Variants in FAM171A1 observed in about 807,000 individuals in gnomAD.
FAM171A1 encodes family with sequence similarity 171 member A1, also known as protein FAM171A1.
FAM171A1 carries 23 observed loss-of-function variants against 74.9 expected under a neutral mutation model. The ratio of observed to expected loss-of-function variants is 0.31; its 90% confidence interval spans 0.22 to 0.44. FAM171A1 has a LOEUF of 0.44. Ranked by LOEUF, FAM171A1 falls within the 20% of genes least tolerant of loss-of-function variation. The pLI is 1.00. For synonymous variants in FAM171A1, 527 were observed against 505.7 expected, an observed-to-expected ratio of 1.04 and a Z score of -0.57; for missense variants, 1,162 against 1,159.2, an observed-to-expected ratio of 1.00 and a Z score of -0.03.
At chr10:15,372,960 A>T (rs1836167730), upstream of FAM171A1, among the ~76,000 whole-genome samples, 1 of 152,100 alleles carries the variant, frequency 6.6e-6, no homozygotes, top group African/African-American at 2.4e-5. Flanking sequence ...CTCCAGACCC[A>T]TCATCCACCC....
At chr10:15,243,851 C>G (rs561918836) in intron 5 of FAM171A1, among the ~76,000 whole-genome samples, 5 of 152,076 alleles carry the variant, frequency 3.3e-5, no homozygotes, top group African/African-American at 9.7e-5. Context: ...GGTTTACTTA[C>G]GCCATTCTCC....
At chr10:15,236,281 C>T (rs1309019143) in intron 5 of FAM171A1, among the ~76,000 whole-genome samples, 1 of 83,998 alleles carries the variant, frequency 1.2e-5, no homozygotes, top group African/African-American at 4.5e-5. Flanking sequence ...TTATATCATG[C>T]TTCCAAAAAA....
chr10:15,291,127 G>A (rs1835097390), intron 1 of FAM171A1, among the ~76,000 whole-genome samples: 1 of 152,174 alleles, frequency 6.6e-6, no homozygotes, highest in African/African-American at 2.4e-5. Context: ...TGGGATTATA[G>A]GCATGAGCCA....
chr10:15,353,725 G>A (rs1835903205), intron 1 of FAM171A1, among the ~76,000 whole-genome samples: 1 of 152,180 alleles, frequency 6.6e-6, no homozygotes, highest in African/African-American at 2.4e-5. Flanking sequence ...GACAGCAGGG[G>A]AAGAGTACCA....
intron 3 of FAM171A1, among the ~76,000 whole-genome samples, chr10:15,260,109 G>A (rs1416034737): frequency 6.6e-6 from 1 of 152,074 alleles, no homozygotes; most frequent in Non-Finnish European, 1.5e-5. Flanking sequence ...TTACAGGTGT[G>A]AACCACCACG....
Position 15,212,877 on chromosome 10 carries a change from C to A in FAM171A1, c.*38G>T. 1 of 1,603,262 alleles carries A rather than the reference C, an allele frequency of 6.2e-7. No homozygotes were observed. The highest frequency in any genetic ancestry group is 8.5e-7 in the Non-Finnish European group (1 of 1,176,984). On this transcript the variant is annotated 3_prime_UTR_variant, in exon 8 of 8. Transcript: ENST00000378116. ...CGCTTCCATGAGAAAGGATATTTGG[C>A]AATTTTATATTCCACAGTCAGGTGG...
chr10:15,219,463 T>C (rs1834008670), intron 6 of FAM171A1, among the ~76,000 whole-genome samples: 1 of 151,384 alleles, frequency 6.6e-6, no homozygotes, highest in African/African-American at 2.4e-5. Context: ...ATTCTTTTCC[T>C]TCCTTTGTTT....
intron 3 of FAM171A1, among the ~76,000 whole-genome samples, chr10:15,267,948 G>C (rs1378558345): frequency 4.6e-5 from 7 of 152,220 alleles, no homozygotes; most frequent in African/African-American, 1.7e-4. Flanking sequence ...CAGCATCTTA[G>C]TAAAGGGAAA....
In FAM171A1 at chr10:15,213,099, C is replaced by A; in HGVS notation, c.2489G>T (p.Ser830Ile). 1 of 1,613,586 alleles carries A rather than the reference C, an allele frequency of 6.2e-7. No homozygotes were observed. Among genetic ancestry groups the A allele is most frequent in the Non-Finnish European group, 8.5e-7 (1 of 1,179,734 alleles). Residue 830 changes from serine to isoleucine, a missense_variant, in exon 8 of 8, where the codon AGC becomes ATC. Coordinates refer to ENST00000378116, the MANE Select transcript of FAM171A1 (RefSeq NM_001010924.2). The surrounding 1 kb of genome is among the most constrained non-coding windows in gnomAD (Gnocchi z 6.8). ...CCGTCTGGTCGTCTCCTCCTGCAGGCTGGGCAGCTGGCCACCACTTCTCCG... is the reference window on the plus strand; with the variant it reads ...CCGTCTGGTCGTCTCCTCCTGCAGGATGGGCAGCTGGCCACCACTTCTCCG... ...SSRRSGGQLP[S>I]LQEETTRRTA... is the part of the protein sequence containing the mutation.
chr10:15,314,333 A>C (rs1835398366), intron 1 of FAM171A1, among the ~76,000 whole-genome samples: 1 of 152,216 alleles, frequency 6.6e-6, no homozygotes, highest in Admixed American at 6.5e-5. Context: ...GACTGACCAA[A>C]TATCCAATTC....
Position 15,213,871 on chromosome 10 carries a change from C to T in FAM171A1, c.1717G>A (p.Val573Ile), listed in dbSNP as rs372962927. ...CSSVDQVNDS[V>I]YRKVLPALVI... ...AAGGCAGGCAGTACTTTCCTGTAAA[C>T]GCTGTCATTGACCTGGTCGACAGAA... The change falls in exon 8 of 8, where the codon GTT becomes ATT. Residue 573 changes from valine (V) to isoleucine (I), a missense_variant. Physicochemically the swap from Val to Ile is conservative, Grantham distance 29. Coordinates refer to ENST00000378116, the MANE Select transcript of FAM171A1 (RefSeq NM_001010924.2). The surrounding 1 kb of genome is among the most constrained non-coding windows in gnomAD (Gnocchi z 6.8). 39 of 1,613,996 alleles carry T rather than the reference C, an allele frequency of 2.4e-5. No individual in the cohort carries two copies. The highest frequency in any genetic ancestry group is 6.7e-5 in the East Asian group (3 of 44,888).
At chr10:15,316,241 G>C (rs986184790) in intron 1 of FAM171A1, among the ~76,000 whole-genome samples, 1 of 152,148 alleles carries the variant, frequency 6.6e-6, no homozygotes, top group South Asian at 2.1e-4. Context: ...TGAATGACTG[G>C]GATTTCTGGG....
At chr10:15,265,719 T>C (rs1035916300) in intron 3 of FAM171A1, among the ~76,000 whole-genome samples, 11 of 151,966 alleles carry the variant, frequency 7.2e-5, no homozygotes, top group Admixed American at 1.3e-4. Context: ...GTGTCTACCA[T>C]TGGCAGGCAT....
chr10:15,226,888 C>T (rs1834115432), intron 5 of FAM171A1, among the ~76,000 whole-genome samples: 1 of 152,146 alleles, frequency 6.6e-6, no homozygotes, highest in Non-Finnish European at 1.5e-5. Context: ...CCCCAGCTTC[C>T]CACCTGGAGC....
chr10:15,362,885 C>T (rs1321747037), intron 1 of FAM171A1, among the ~76,000 whole-genome samples: 1 of 152,182 alleles, frequency 6.6e-6, no homozygotes, highest in Non-Finnish European at 1.5e-5. Flanking sequence ...TATTTTTCCA[C>T]TTATTTTCCA....
chr10:15,275,966 G>C lies in FAM171A1; in HGVS notation c.326-19C>G, dbSNP rs368656639. 6.4e-7 allele frequency: 1 copy of C among 1,565,144 alleles called. No homozygotes were observed. Among genetic ancestry groups the C allele is most frequent in the African/African-American group, 1.4e-5 (1 of 73,598 alleles). On this transcript the variant is annotated intron_variant, in intron 2 of 7. Coordinates refer to ENST00000378116, the MANE Select transcript of FAM171A1 (RefSeq NM_001010924.2). ...GAAAATACTGCAGGAAAAAGAAATG[G>C]ATAGAAGGGGATTTTAATAGTCATA...
chr10:15,340,872 G>A (rs538012826), intron 1 of FAM171A1, among the ~76,000 whole-genome samples: 1 of 152,174 alleles, frequency 6.6e-6, no homozygotes, highest in African/African-American at 2.4e-5. Flanking sequence ...TCAGGAGTTT[G>A]ACAATTGAGA....
intron 1 of FAM171A1, among the ~76,000 whole-genome samples, chr10:15,367,344 T>C (rs1232850625): frequency 3.3e-5 from 5 of 152,236 alleles, no homozygotes; most frequent in Admixed American, 2.6e-4. Context: ...CAAAGTATTA[T>C]AGACAAGTAC....
At chr10:15,319,515 C>T (rs1010016830) in intron 1 of FAM171A1, among the ~76,000 whole-genome samples, 3 of 152,162 alleles carry the variant, frequency 2.0e-5, no homozygotes, top group African/African-American at 7.2e-5. Context: ...TCACTGCAAC[C>T]TCCACATCCC....
Sources: allele counts gnomAD v4.1 joint callset (sites outside exome capture counted in the v4.1 genomes callset), GRCh38; gene constraint gnomAD v4.1.1; non-coding constraint Gnocchi (gnomAD v3.1); transcripts MANE v1.5; gene names NCBI Gene and HGNC (gene_info 2026-07-23, HGNC 2026-07-21).